The following EXOC4 variants were observed in gnomAD, a reference collection of about 807,000 sequenced individuals.
EXOC4 encodes exocyst complex component 4.
In EXOC4, 71 loss-of-function variants were observed where a neutral mutation model predicts 107.2. The ratio of observed to expected loss-of-function variants is 0.66; its 90% CI spans 0.55 to 0.81. The LOEUF (loss-of-function observed/expected upper bound fraction) is 0.81, where lower values mean the gene tolerates loss of function less well. Among genes scored for constraint, EXOC4 ranks in the 30% least tolerant of loss-of-function variants. The pLI, the probability that EXOC4 is intolerant of heterozygous loss-of-function variation, is 0.00. For synonymous variants in EXOC4, 456 were observed against 441.2 expected (o/e 1.03, Z -0.42); for missense variants, 1,108 against 1,189.6 (o/e 0.93, Z 1.01).
rs139202843 is a variant in EXOC4, at chr7:134,016,085, A to C, written c.2687+8250A>C. Among the ~76,000 whole-genome samples, 734 of 152,236 alleles carry C rather than the reference A, an allele frequency of 4.8e-3. 6 individuals are homozygous for C. The highest frequency in any genetic ancestry group is 0.017 in the African/African-American group (686 of 41,520). ...TGAGTGTCTAGCCAGATCACACTAC[A>C]GTCAAGTAAGATAAGGATACAGGAG... On this transcript the variant is annotated intron_variant, in intron 17 of 17. Coordinates refer to ENST00000253861, the MANE Select transcript of EXOC4 (RefSeq NM_021807.4).
rs184423643 is a variant in EXOC4, at chr7:133,469,689, A to G, written c.1183-5639A>G. On this transcript the variant is annotated intron_variant, in intron 7 of 17. Coordinates refer to ENST00000253861, the MANE Select transcript of EXOC4 (RefSeq NM_021807.4). ...AAGACATACTGCAAACTCATAGGGT[A>G]GAAAATCTTTGACCCTATCAGCAAC... Among the ~76,000 whole-genome samples, 24 of 152,348 alleles carry G rather than the reference A, an allele frequency of 1.6e-4. No individual in the cohort carries two copies. In the East Asian group the frequency reaches 3.9e-3, roughly 25 times the overall value.
At chr7:133,698,271 A>G (rs929440268) in intron 10 of EXOC4, among the ~76,000 whole-genome samples, 2 of 152,054 alleles carry the variant, frequency 1.3e-5, no homozygotes, top group Non-Finnish European at 2.9e-5. Context: ...TAGTTTAAGT[A>G]GTGCCTTCAC....
intron 11 of EXOC4, among the ~76,000 whole-genome samples, chr7:133,859,726 A>G (rs1318880568): frequency 1.3e-5 from 2 of 152,198 alleles, no homozygotes; most frequent in African/African-American, 4.8e-5. Context: ...AGATAGAACA[A>G]AAGGCCTAAC....
intron 7 of EXOC4, among the ~76,000 whole-genome samples, chr7:133,434,185 G>A (rs900796634): frequency 1.3e-5 from 2 of 152,050 alleles, no homozygotes; most frequent in African/African-American, 4.8e-5. Context: ...ATTAGAGACT[G>A]GAGGCTGTGT....
intron 10 of EXOC4, among the ~76,000 whole-genome samples, chr7:133,715,205 G>T (rs1794974957): frequency 6.6e-6 from 1 of 152,130 alleles, no homozygotes; most frequent in Non-Finnish European, 1.5e-5. Flanking sequence ...TAGAGACAGG[G>T]TCTTGCTATG....
chr7:133,685,010 G>A (rs1242680846), intron 10 of EXOC4, among the ~76,000 whole-genome samples: 1 of 152,200 alleles, frequency 6.6e-6, no homozygotes, highest in Non-Finnish European at 1.5e-5. Context: ...GCAAAAGCAA[G>A]CAGTTCTTCT....
intron 10 of EXOC4, among the ~76,000 whole-genome samples, chr7:133,790,010 C>T (rs1028498531): frequency 1.4e-4 from 22 of 152,170 alleles, no homozygotes; most frequent in African/African-American, 5.3e-4. Context: ...TCTCATGTAA[C>T]AAACCTGACG....
chr7:133,593,750 T>C (rs917712519), intron 9 of EXOC4, among the ~76,000 whole-genome samples: 1 of 152,164 alleles, frequency 6.6e-6, no homozygotes, highest in Admixed American at 6.5e-5. Context: ...AGTGTTTCTA[T>C]AATAGATGAG....
rs192414718 is a variant in EXOC4 at position 133,652,590 on chromosome 7, G to A, written c.1514+22449G>A. Among the ~76,000 whole-genome samples the A allele has an allele frequency of 3.3e-5, 5 of 152,218 alleles. No individual in the cohort carries two copies. The East Asian group carries it at 9.7e-4, about 30-fold the overall frequency. On this transcript the variant is annotated intron_variant, in intron 10 of 17. Transcript: ENST00000253861. The stretch of plus-strand genomic sequence containing the variant: ...AAGACAGACCAGGGTACAAAGAGGA[G>A]TAGTGGGGAAGGGGCAAGAGGGAGT...
chr7:133,452,713 G>A (rs1798375647), intron 7 of EXOC4, among the ~76,000 whole-genome samples: 1 of 151,744 alleles, frequency 6.6e-6, no homozygotes, highest in Admixed American at 6.6e-5. Flanking sequence ...CCTGACAAAT[G>A]TACCCTGTGG....
chr7:133,672,462 G>A (rs1018330634), intron 10 of EXOC4, among the ~76,000 whole-genome samples: 4 of 151,444 alleles, frequency 2.6e-5, no homozygotes, highest in South Asian at 2.1e-4. Flanking sequence ...CTTAATTAAC[G>A]TTTAAATAGT....
chr7:133,323,303 A>G (rs1241387485), intron 5 of EXOC4, among the ~76,000 whole-genome samples: 2 of 152,250 alleles, frequency 1.3e-5, no homozygotes, highest in Admixed American at 1.3e-4. Flanking sequence ...TTTCAAAGGG[A>G]ATGCTTCCAG....
intron 7 of EXOC4, among the ~76,000 whole-genome samples, chr7:133,412,286 T>TTTTG (rs1159968134): frequency 2.1e-5 from 3 of 145,700 alleles, no homozygotes; most frequent in Non-Finnish European, 4.5e-5. Context: ...CAGTTTTTTT[T>TTTTG]TTTTTTTTTT....
intron 6 of EXOC4, among the ~76,000 whole-genome samples, chr7:133,360,134 A>G (rs923539842): frequency 6.6e-6 from 1 of 152,224 alleles, no homozygotes. Flanking sequence ...AAGCCTCTGC[A>G]TTTCAGAATC....
At chr7:134,031,463 A>G (rs1448981428) in intron 17 of EXOC4, among the ~76,000 whole-genome samples, 2 of 152,154 alleles carry the variant, frequency 1.3e-5, no homozygotes, top group African/African-American at 2.4e-5. Context: ...AAGTAAGGAA[A>G]TGGTTTTGGT....
chr7:134,003,037 T>G (rs55977260), intron 15 of EXOC4, among the ~76,000 whole-genome samples: 21,364 of 152,154 alleles, frequency 0.14, 1,761 homozygotes, highest in African/African-American at 0.22. Context: ...TGAAGTAGCT[T>G]TATCCACAAC....
At chr7:133,769,001 G>A (rs1442724684) in intron 10 of EXOC4, among the ~76,000 whole-genome samples, 1 of 151,988 alleles carries the variant, frequency 6.6e-6, no homozygotes, top group Non-Finnish European at 1.5e-5. Flanking sequence ...TGTCCTATGT[G>A]CCGTTAACGT....
chr7:133,750,419 G>A (rs1461706726), intron 10 of EXOC4, among the ~76,000 whole-genome samples: 1 of 152,056 alleles, frequency 6.6e-6, no homozygotes. Context: ...GAGATTCAGA[G>A]CACCATTGGT....
At chr7:133,940,365 A>T (rs1019339433) in intron 14 of EXOC4, among the ~76,000 whole-genome samples, 3 of 152,182 alleles carry the variant, frequency 2.0e-5, no homozygotes, top group Non-Finnish European at 4.4e-5. Context: ...GCCTATAATC[A>T]TCTCTGTTAT....
Sources: gnomAD v4.1 joint callset for allele counts (sites outside exome capture counted in the v4.1 genomes callset) on GRCh38, gnomAD v4.1.1 for gene constraint, MANE v1.5 for transcripts, NCBI Gene and HGNC (gene_info 2026-07-23, HGNC 2026-07-21) for gene names.